RTTN: variants seen among roughly 807,000 people sequenced by gnomAD.
RTTN encodes rotatin.
A neutral mutation model predicts 269.2 loss-of-function variants in RTTN; 182 were observed. The observed-to-expected ratio is 0.68, with a 90% confidence interval of 0.60 to 0.76. RTTN has a LOEUF of 0.76. Ranked by LOEUF, RTTN falls within the 30% of genes least tolerant of loss-of-function variation. The pLI, the probability that RTTN is intolerant of heterozygous loss-of-function variation, is 0.00. For missense variants in RTTN, 2,545 were observed against 2,608.6 expected (o/e 0.98, Z 0.53); for synonymous variants, 1,006 against 963.5 (o/e 1.04, Z -0.82).
chr18:70,112,658 T>C (rs181871468), intron 27 of RTTN, among the ~76,000 whole-genome samples: 35 of 152,094 alleles, frequency 2.3e-4, no homozygotes, highest in African/African-American at 8.2e-4. Context: ...AGCACCCAGA[T>C]TCATAAAGCA....
chr18:70,193,469 A>C lies in RTTN; in HGVS notation c.842-16T>G. Reference sequence around the variant, plus strand: ...GAAACTGTGTCTGGGGAAACAAAGAAAAAATAAAATTATTCTTTAGTAGAA... The same window carrying C: ...GAAACTGTGTCTGGGGAAACAAAGACAAAATAAAATTATTCTTTAGTAGAA... On this transcript the variant is annotated splice_polypyrimidine_tract_variant and intron_variant, in intron 7 of 48. Transcript: ENST00000640769. 1 of 1,473,862 alleles carries C rather than the reference A, an allele frequency of 6.8e-7. No individual in the cohort carries two copies. Among genetic ancestry groups the C allele is most frequent in the Non-Finnish European group, 9.0e-7 (1 of 1,107,968 alleles). 91.3% of individuals were successfully genotyped at this position (1,473,862 alleles called of 1,614,324 possible). A position where few individuals can be genotyped will look rare whatever the true frequency, so the allele number is the denominator to read the frequency against.
chr18:70,010,765 C>A (rs563079454), intron 46 of RTTN, among the ~76,000 whole-genome samples: 10 of 150,326 alleles, frequency 6.7e-5, no homozygotes, highest in South Asian at 6.3e-4. Context: ...GAGAGAGACA[C>A]GAAAAACCCT....
chr18:70,057,706 C>T (rs371988749), intron 37 of RTTN, 36 bp downstream of exon 37: 295 of 1,546,402 alleles, frequency 1.9e-4, no homozygotes, highest in Admixed American at 3.2e-4. Flanking sequence ...TGACACCTAA[C>T]GTAAACAAAC....
intron 12 of RTTN, among the ~76,000 whole-genome samples, chr18:70,167,773 CAAG>C (rs2061029788): frequency 6.7e-6 from 1 of 148,884 alleles, no homozygotes; most frequent in African/African-American, 2.5e-5. Flanking sequence ...ACAGAGAAAA[CAAG>C]AAGACAGTGG....
chr18:70,163,294 A>G (rs2060897433), intron 14 of RTTN, among the ~76,000 whole-genome samples: 1 of 151,872 alleles, frequency 6.6e-6, no homozygotes, highest in East Asian at 1.9e-4. Flanking sequence ...AGGCAGGAGA[A>G]TCACTTGAAC....
chr18:70,070,127 G>C (rs749339635), intron 34 of RTTN, among the ~76,000 whole-genome samples: 33 of 152,226 alleles, frequency 2.2e-4, no homozygotes, highest in Non-Finnish European at 4.4e-4. Context: ...GAAGATGATA[G>C]ACGATTCTTG....
chr18:70,036,309 G>T (rs933810743), intron 40 of RTTN, among the ~76,000 whole-genome samples: 3 of 152,152 alleles, frequency 2.0e-5, no homozygotes, highest in African/African-American at 7.2e-5. Context: ...GCCCATCAAT[G>T]GAAAACTGGA....
At chr18:70,029,807 T>G (rs142318554) in intron 42 of RTTN, among the ~76,000 whole-genome samples, 1 of 152,182 alleles carries the variant, frequency 6.6e-6, no homozygotes, top group Non-Finnish European at 1.5e-5. Context: ...CAGTACATAA[T>G]AGACAGATGT....
chr18:70,073,011 T>C (rs2058337427), intron 34 of RTTN, among the ~76,000 whole-genome samples: 1 of 152,174 alleles, frequency 6.6e-6, no homozygotes, highest in South Asian at 2.1e-4. Context: ...TATCAGTCTT[T>C]TGAGAAACTA....
intron 32 of RTTN, among the ~76,000 whole-genome samples, chr18:70,083,875 G>A (rs7240732): frequency 1.3e-5 from 2 of 150,362 alleles, no homozygotes; most frequent in Non-Finnish European, 3.0e-5. Context: ...GGAACTCAAG[G>A]CCAGCCTGGA....
intron 14 of RTTN, among the ~76,000 whole-genome samples, chr18:70,153,817 T>G (rs1401249393): frequency 6.6e-6 from 1 of 152,188 alleles, no homozygotes; most frequent in African/African-American, 2.4e-5. Context: ...CATTTGGAGC[T>G]TTTGACTTGG....
At chr18:70,069,376 G>A (rs1485341671) in intron 34 of RTTN, among the ~76,000 whole-genome samples, 1 of 152,118 alleles carries the variant, frequency 6.6e-6, no homozygotes, top group Admixed American at 6.5e-5. Flanking sequence ...AAATAAAATG[G>A]ACTCAAATCT....
At chr18:70,056,597 A>G (rs556963994) in intron 37 of RTTN, among the ~76,000 whole-genome samples, 11 of 152,176 alleles carry the variant, frequency 7.2e-5, no homozygotes, top group Middle Eastern at 3.2e-3. Context: ...CATGGAGCTG[A>G]CTGTGCCCCT....
chr18:70,056,035 G>C (rs1173003239), intron 37 of RTTN, among the ~76,000 whole-genome samples: 1 of 152,064 alleles, frequency 6.6e-6, no homozygotes, highest in African/African-American at 2.4e-5. Flanking sequence ...ATCCTCAATT[G>C]CTTTTTTCCA....
intron 46 of RTTN, among the ~76,000 whole-genome samples, chr18:70,009,927 G>A (rs888815715): frequency 6.6e-6 from 1 of 151,894 alleles, no homozygotes; most frequent in Non-Finnish European, 1.5e-5. Flanking sequence ...AAAAAGCAGA[G>A]GTGGCAATCT....
At chr18:70,162,585 C>T (rs1168807144) in intron 14 of RTTN, among the ~76,000 whole-genome samples, 1 of 152,128 alleles carries the variant, frequency 6.6e-6, no homozygotes, top group Non-Finnish European at 1.5e-5. Flanking sequence ...CATCAGATCT[C>T]ATGAGAACTC....
At chr18:70,205,093 G>T in intron 2 of RTTN, 35 bp downstream of exon 2, 1 of 1,578,998 alleles carries the variant, frequency 6.3e-7, no homozygotes, top group Middle Eastern at 1.7e-4. Flanking sequence ...CAAGTCACTC[G>T]TCTGATTATT....
At chr18:70,152,869 G>A (rs2060574924) in intron 14 of RTTN, among the ~76,000 whole-genome samples, 1 of 152,134 alleles carries the variant, frequency 6.6e-6, no homozygotes, top group South Asian at 2.1e-4. Flanking sequence ...GATCTTTTCA[G>A]AAAGATCATC....
At chr18:70,112,483 C>CAAAAAAAAAAAAAAAAAA (rs36147576) in intron 27 of RTTN, among the ~76,000 whole-genome samples, 7 of 68,052 alleles carry the variant, frequency 1.0e-4, no homozygotes, top group East Asian at 6.4e-4. Context: ...AAATGGAAAG[C>CAAAAAAAAAAAAAAAAAA]AAAAAAAAAA....
Sources: gnomAD v4.1 joint callset for allele counts (sites outside exome capture counted in the v4.1 genomes callset) on GRCh38, gnomAD v4.1.1 for gene constraint, MANE v1.5 for transcripts, NCBI Gene and HGNC (gene_info 2026-07-23, HGNC 2026-07-21) for gene names.